Variants in TNRC18 observed in about 807,000 individuals in gnomAD.
The protein encoded by TNRC18 is trinucleotide repeat-containing gene 18 protein.
Under a neutral mutation model 226.7 loss-of-function variants are expected in TNRC18, and 69 were observed. That is an observed-to-expected ratio of 0.30 (90% CI 0.25 to 0.37). The LOEUF is 0.37. TNRC18 is among the 10% of genes least tolerant of loss of function. The probability of loss-of-function intolerance (pLI) is 1.00; values close to 1 mark genes in which losing one functional copy is unlikely to be tolerated. For missense variants in TNRC18, 4,754 were observed against 4,256.6 expected (o/e 1.12, Z -3.25); for synonymous variants, 2,449 against 1,927.6 (o/e 1.27, Z -7.09).
chr7:5,312,150 G>T lies in TNRC18; in HGVS notation c.8388+353C>A, dbSNP rs1787287599. 6.6e-6 allele frequency among the ~76,000 whole-genome samples: 1 copy of T among 152,132 alleles called. No homozygotes were observed. Among genetic ancestry groups the T allele is most frequent in the East Asian group, 1.9e-4 (1 of 5,180 alleles). On this transcript the variant is annotated intron_variant, in intron 27 of 29. Transcript: ENST00000430969. This position sits in a 1 kb window ranked among gnomAD's most constrained non-coding sequence, Gnocchi z 6.3. Reference sequence around the variant, plus strand: ...GACTCAGTCTCAAAAAAAGAAAAAGGAAAAAATCCCAGAGGCCTGGAAAGC... The same window carrying T: ...GACTCAGTCTCAAAAAAAGAAAAAGTAAAAAATCCCAGAGGCCTGGAAAGC...
In TNRC18 at chr7:5,307,262, TA is replaced by T. The variant is rs1245997013; in HGVS notation, c.*843del. 1 of 148,794 alleles carries T rather than the reference TA, an allele frequency of 6.7e-6. No individual in the cohort carries two copies. Among genetic ancestry groups the T allele is most frequent in the East Asian group, 1.9e-4 (1 of 5,164 alleles). 9.2% of individuals were successfully genotyped at this position (148,794 alleles called of 1,614,324 possible). On this transcript the variant is annotated 3_prime_UTR_variant, in exon 30 of 30. Coordinates refer to ENST00000430969, the MANE Select transcript of TNRC18 (RefSeq NM_001080495.3). ...CACAGTTTTAAAAAGTTTATATATA[TA>T]TTTATATATATTTATCTTTATATAT...
intron 18 of TNRC18, 37 bp downstream of exon 18, chr7:5,345,525 C>CCCCCCCCCCCCCCCACCCCCCCAA: frequency 4.6e-6 from 1 of 217,344 alleles, no homozygotes; most frequent in Non-Finnish European, 9.4e-6. Flanking sequence ...CCGCCCCTCC[C>CCCCCCCCCCCCCCCACCCCCCCAA]ACCCACCCCC....
At position 5,388,634 on chromosome 7, in the gene TNRC18, G is replaced by A; in HGVS notation, c.1190C>T (p.Ala397Val). ...PIQIASQARD[A>V]RAREREAGRP... ...GCCAGCCTCGCGCTCGCGGGCCCGGGCATCGCGCGCCTGGGATGCGATCTG... is the reference window on the plus strand; with the variant it reads ...GCCAGCCTCGCGCTCGCGGGCCCGGACATCGCGCGCCTGGGATGCGATCTG... The change falls in exon 5 of 30, where the codon GCC becomes GTC. Residue 397 changes from alanine (A) to valine (V), a missense_variant. Coordinates refer to ENST00000430969, the MANE Select transcript of TNRC18 (RefSeq NM_001080495.3). 3.9e-6 allele frequency: 5 copies of A among 1,277,830 alleles called. No homozygotes were observed. Among genetic ancestry groups the A allele is most frequent in the Non-Finnish European group, 4.9e-6 (5 of 1,011,160 alleles). The allele number at this position is 1,277,830 out of a possible 1,614,324, so 79.2% of individuals were successfully genotyped here.
chr7:5,345,517 G>T lies in TNRC18; in HGVS notation c.5719+45C>A. 3.7e-5 allele frequency: 14 copies of T among 377,744 alleles called. 1 individual carries two copies. Among genetic ancestry groups the T allele is most frequent in the South Asian group, 1.3e-4 (3 of 22,822 alleles). The allele number at this position is 377,744 out of a possible 1,614,324, so 23.4% of individuals were successfully genotyped here. A position where few individuals can be genotyped will look rare whatever the true frequency, so the allele number is the denominator to read the frequency against. ...CCTGTGGGATGGGGCAATGGCGTCC[G>T]CCCCTCCCACCCACCCCCACCGCAG... On this transcript the variant is annotated intron_variant, in intron 18 of 29. Coordinates refer to ENST00000430969, the MANE Select transcript of TNRC18 (RefSeq NM_001080495.3).
At chr7:5,367,701 T>C (rs1793748556) in intron 11 of TNRC18, among the ~76,000 whole-genome samples, 2 of 151,694 alleles carry the variant, frequency 1.3e-5, no homozygotes, top group African/African-American at 4.8e-5. Flanking sequence ...ATGCTGGGAT[T>C]ACAGGCGTGT....
intron 2 of TNRC18, among the ~76,000 whole-genome samples, chr7:5,407,701 C>G (rs2128215651): frequency 6.6e-6 from 1 of 152,340 alleles, no homozygotes; most frequent in East Asian, 1.9e-4. Context: ...AGGCCTCAGG[C>G]CAGCCAATGA....
intron 15 of TNRC18, 102 bp downstream of exon 15, chr7:5,359,296 T>C: frequency 8.2e-7 from 1 of 1,224,796 alleles, no homozygotes; most frequent in Non-Finnish European, 1.2e-6. Flanking sequence ...CTAAGGTTTC[T>C]GTACAGGAAC....
At chr7:5,327,469 G>T (rs1365202695) in intron 19 of TNRC18, among the ~76,000 whole-genome samples, 15 of 151,188 alleles carry the variant, frequency 9.9e-5, no homozygotes, top group African/African-American at 1.7e-4. Context: ...CATCCTTCTG[G>T]AATCAGAGGC....
intron 18 of TNRC18, among the ~76,000 whole-genome samples, chr7:5,342,351 C>A (rs1790764876): frequency 6.6e-6 from 1 of 151,602 alleles, no homozygotes; most frequent in African/African-American, 2.4e-5. Context: ...ACCGCTTGAA[C>A]TGGGGAGGCG....
rs767677807 is a variant in TNRC18, at chr7:5,388,270, G to C, written c.1554C>G (p.Phe518Leu). 2 of 1,604,872 alleles carry C rather than the reference G, an allele frequency of 1.2e-6. No individual in the cohort carries two copies. The highest frequency in any genetic ancestry group is 4.5e-5 in the East Asian group (2 of 44,440). The change falls in exon 5 of 30, where the codon TTC (phenylalanine) becomes TTG (leucine). Residue 518 changes from phenylalanine to leucine, a missense_variant. Phe to Leu is a conservative substitution (Grantham distance 22). Transcript: ENST00000430969. ...CCAGCACGGCCATCTGCGTGGCGGC[G>C]AAGTTGCCCAGCTCGAAGGGTTTCC... is the stretch of plus-strand genomic sequence containing the variant. ...HKWKPFELGN[F>L]AATQMAVLAA...
intron 2 of TNRC18, among the ~76,000 whole-genome samples, chr7:5,419,515 G>A (rs527302902): frequency 6.6e-6 from 1 of 152,232 alleles, no homozygotes; most frequent in Non-Finnish European, 1.5e-5. Context: ...AAAGGGGACA[G>A]CTCAGATGGT....
At position 5,371,347 on chromosome 7, in the gene TNRC18, G is replaced by C; in HGVS notation, c.3247C>G (p.Pro1083Ala). ...TAGTGCGGTGGCAGGGCTTGGAACG[G>C]GTACCTGGGCGGGATATCTGCCAAG... ...ALFSDIPPRY[P>A]FQALPPHYGR... is the part of the protein sequence containing the mutation. The change falls in exon 11 of 30, where the codon CCG becomes GCG. Residue 1083 changes from proline to alanine, a missense_variant. Transcript: ENST00000430969. 6.6e-7 allele frequency: 1 copy of C among 1,514,032 alleles called. No homozygotes were observed. The highest frequency in any genetic ancestry group is 2.3e-5 in the East Asian group (1 of 43,966). 93.8% of individuals were successfully genotyped at this position (1,514,032 alleles called of 1,614,324 possible).
At chr7:5,398,232 G>A (rs914061302) in intron 2 of TNRC18, among the ~76,000 whole-genome samples, 4 of 151,694 alleles carry the variant, frequency 2.6e-5, no homozygotes, top group African/African-American at 7.3e-5. Context: ...GTGCAATGGC[G>A]CGATCTCGGC....
chr7:5,365,201 T>TGCCAGGCTCAAGCA (rs1793494694), intron 11 of TNRC18, among the ~76,000 whole-genome samples: 1 of 152,190 alleles, frequency 6.6e-6, no homozygotes. Context: ...AGCCTCAAGC[T>TGCCAGGCTCAAGCA]GCCAGGCTCA....
At position 5,309,461 on chromosome 7, in the gene TNRC18, C is replaced by T. The variant is rs562969260; in HGVS notation, c.8389-93G>A. ...TCTGCCGCTTGGGACTCTGGGCCCT[C>T]GGCCTCTAAATCAACCCCTATCCAA... On this transcript the variant is annotated intron_variant, in intron 27 of 29. Coordinates refer to ENST00000430969, the MANE Select transcript of TNRC18 (RefSeq NM_001080495.3). This position sits in a 1 kb window ranked among gnomAD's most constrained non-coding sequence, Gnocchi z 5.7. 3.8e-5 allele frequency: 45 copies of T among 1,172,550 alleles called. No individual in the cohort carries two copies. The highest frequency in any genetic ancestry group is 3.4e-4 in the African/African-American group (22 of 65,048). The allele number at this position is 1,172,550 out of a possible 1,614,324, so 72.6% of individuals were successfully genotyped here.
In TNRC18 at chr7:5,377,602, CGACAGCTCG is replaced by C. The variant is rs1562579289; in HGVS notation, c.2256-35_2256-27del. The C allele has an allele frequency of 6.4e-7, 1 of 1,550,666 alleles. No homozygotes were observed. Among genetic ancestry groups the C allele is most frequent in the African/African-American group, 1.4e-5 (1 of 73,470 alleles). ...CTGGAAGGAGGATCATAGGTGTCAG[CGACAGCTCG>C]GACAGCCCAGGGGACGAGAGGGAGA... On this transcript the variant is annotated intron_variant, in intron 6 of 29. Coordinates refer to ENST00000430969, the MANE Select transcript of TNRC18 (RefSeq NM_001080495.3). The surrounding 1 kb of genome is among the most constrained non-coding windows in gnomAD (Gnocchi z 5.8).
At chr7:5,351,701 C>G in intron 17 of TNRC18, 118 bp downstream of exon 17, 4 of 1,196,556 alleles carry the variant, frequency 3.3e-6, no homozygotes, top group Non-Finnish European at 4.6e-6. Flanking sequence ...TGCGGCCATC[C>G]GCACGGGCCT....
intron 9 of TNRC18, among the ~76,000 whole-genome samples, chr7:5,375,593 T>C (rs1794586598): frequency 6.6e-6 from 1 of 152,152 alleles, no homozygotes; most frequent in Non-Finnish European, 1.5e-5. Context: ...AGACCCTTTG[T>C]GTCCCCTATC....
At chr7:5,387,620 C>G (rs1374414776) in intron 5 of TNRC18, 52 bp downstream of exon 5, 2 of 1,593,964 alleles carry the variant, frequency 1.3e-6, no homozygotes, top group Non-Finnish European at 1.7e-6. Flanking sequence ...GTACGGGAAA[C>G]GGCAGAGAGA....
Sources: allele counts gnomAD v4.1 joint callset (sites outside exome capture counted in the v4.1 genomes callset), GRCh38; gene constraint gnomAD v4.1.1; non-coding constraint Gnocchi (gnomAD v3.1); transcripts MANE v1.5; gene names NCBI Gene and HGNC (gene_info 2026-07-23, HGNC 2026-07-21).